Variants in SGCZ observed in about 807,000 individuals in gnomAD.
SGCZ encodes zeta-sarcoglycan.
A neutral mutation model predicts 41.3 loss-of-function variants in SGCZ; 40 were observed. The observed-to-expected ratio is 0.97, with a 90% confidence interval of 0.75 to 1.26. The LOEUF (loss-of-function observed/expected upper bound fraction) is 1.26. Among genes scored for constraint, SGCZ ranks in the 50% most tolerant of loss-of-function variants. The pLI is 0.00. For missense variants in SGCZ, 552 were observed against 369.8 expected, an observed-to-expected ratio of 1.49 and a Z score of -4.04; for synonymous variants, 206 against 137.5, an observed-to-expected ratio of 1.50 and a Z score of -3.49.
intron 2 of SGCZ, among the ~76,000 whole-genome samples, chr8:14,334,953 A>T (rs111903638): frequency 3.7e-4 from 56 of 152,216 alleles, no homozygotes; most frequent in African/African-American, 1.3e-3. Context: ...GGTGTAGGTA[A>T]GATTAAACTG....
chr8:14,264,434 A>C (rs148757864), intron 3 of SGCZ, among the ~76,000 whole-genome samples: 1 of 152,118 alleles, frequency 6.6e-6, no homozygotes, highest in Non-Finnish European at 1.5e-5. Flanking sequence ...ACAGAAATCC[A>C]TGGACCCACA....
intron 1 of SGCZ, among the ~76,000 whole-genome samples, chr8:14,975,133 C>T (rs1358905648): frequency 2.0e-5 from 3 of 151,968 alleles, no homozygotes; most frequent in African/African-American, 4.8e-5. Context: ...GGTGAAACCG[C>T]GTCTCTACTA....
chr8:15,175,752 A>G (rs532191341), intron 1 of SGCZ, among the ~76,000 whole-genome samples: 1 of 152,330 alleles, frequency 6.6e-6, no homozygotes, highest in South Asian at 2.1e-4. Context: ...TTTAGATGCA[A>G]CTTCAAGATA....
At chr8:14,824,717 C>T (rs1215355385) in intron 1 of SGCZ, among the ~76,000 whole-genome samples, 4 of 152,002 alleles carry the variant, frequency 2.6e-5, no homozygotes, top group Non-Finnish European at 4.4e-5. Flanking sequence ...AATTTCACTG[C>T]CTATGCTACC....
intron 1 of SGCZ, among the ~76,000 whole-genome samples, chr8:15,098,900 A>T (rs1806491836): frequency 6.6e-6 from 1 of 152,162 alleles, no homozygotes; most frequent in Admixed American, 6.6e-5. Flanking sequence ...CTCTACTTAA[A>T]TACAAAAATT....
chr8:14,429,360 G>A (rs1045469369), intron 2 of SGCZ, among the ~76,000 whole-genome samples: 2 of 152,114 alleles, frequency 1.3e-5, no homozygotes, highest in Non-Finnish European at 2.9e-5. Flanking sequence ...TGGGCTATCA[G>A]CAGAATGTTC....
intron 1 of SGCZ, among the ~76,000 whole-genome samples, chr8:14,710,850 T>G (rs1809493147): frequency 6.6e-6 from 1 of 152,184 alleles, no homozygotes; most frequent in African/African-American, 2.4e-5. Flanking sequence ...ATGCGGAATT[T>G]TCATTAATTC....
chr8:14,168,476 T>C lies in SGCZ; in HGVS notation c.425-3774A>G, dbSNP rs555577553. ...GGGGCAGGTCTTTCCTGTGCTGTTC[T>C]CATGAGTGTGAATAAGTCTCATGAG... is the stretch of plus-strand genomic sequence containing the variant. On this transcript the variant is annotated intron_variant, in intron 4 of 7. Transcript: ENST00000382080. Among the ~76,000 whole-genome samples the C allele has an allele frequency of 3.3e-5, 5 of 152,230 alleles. No homozygotes were observed. The East Asian group carries it at 7.7e-4, about 24-fold the overall frequency.
chr8:14,242,427 A>G (rs912481596), intron 3 of SGCZ, among the ~76,000 whole-genome samples: 34 of 152,306 alleles, frequency 2.2e-4, no homozygotes, highest in African/African-American at 8.2e-4. Context: ...GGGGACCCTG[A>G]CCATTTGAGT....
intron 2 of SGCZ, among the ~76,000 whole-genome samples, chr8:14,418,246 T>G (rs557453081): frequency 6.6e-6 from 1 of 152,108 alleles, no homozygotes; most frequent in South Asian, 2.1e-4. Flanking sequence ...TGACTTGGGC[T>G]ATTAGAAGTT....
rs144175016 is a variant in SGCZ, at chr8:14,153,506, T to C, written c.547+11074A>G. Among the ~76,000 whole-genome samples, 18 of 152,214 alleles carry C rather than the reference T, an allele frequency of 1.2e-4. No homozygotes were observed. The East Asian group carries it at 3.3e-3, about 28-fold the overall frequency. On this transcript the variant is annotated intron_variant, in intron 5 of 7. Coordinates refer to ENST00000382080, the MANE Select transcript of SGCZ (RefSeq NM_139167.4). ...TACATCCCATAGAGTAAAGTGACCA[T>C]AGGTTTCATACTGTCACTGAGAAGA...
intron 4 of SGCZ, among the ~76,000 whole-genome samples, chr8:14,214,649 A>G (rs140171386): frequency 2.6e-5 from 4 of 152,152 alleles, no homozygotes; most frequent in Admixed American, 2.6e-4. Flanking sequence ...CAAACATAAC[A>G]ATATAGGTAT....
At chr8:14,496,633 A>C (rs779275259) in intron 2 of SGCZ, among the ~76,000 whole-genome samples, 1 of 152,134 alleles carries the variant, frequency 6.6e-6, no homozygotes, top group African/African-American at 2.4e-5. Flanking sequence ...TAGAAAATTA[A>C]TCACATTCTT....
chr8:14,545,413 A>C (rs56117440), intron 2 of SGCZ, among the ~76,000 whole-genome samples: 1,394 of 68,434 alleles, frequency 0.02, 10 homozygotes, highest in Middle Eastern at 0.065. Context: ...GCAAATGCTT[A>C]CTTTTTTTTT....
intron 1 of SGCZ, among the ~76,000 whole-genome samples, chr8:14,639,415 T>C (rs1806945019): frequency 6.6e-6 from 1 of 151,678 alleles, no homozygotes; most frequent in Admixed American, 6.6e-5. Context: ...CCATATTCTT[T>C]AACAAGAGGG....
At chr8:14,374,994 A>T (rs1021910015) in intron 2 of SGCZ, among the ~76,000 whole-genome samples, 1 of 152,136 alleles carries the variant, frequency 6.6e-6, no homozygotes, top group Non-Finnish European at 1.5e-5. Context: ...TGGCAATGGG[A>T]CAAGTTCTAG....
rs192764976 is a variant in SGCZ, at chr8:15,205,026, C to T, written c.39+32559G>A. 9.1e-4 allele frequency among the ~76,000 whole-genome samples: 138 copies of T among 152,182 alleles called. 1 individual carries two copies. The highest frequency in any genetic ancestry group is 1.7e-3 in the Non-Finnish European group (113 of 68,018). ...AGTAAAGTTTAAAATAGAATTTTTT[C>T]ATGAAAATTCAATTCTAAAAAAAGT... On this transcript the variant is annotated intron_variant, in intron 1 of 7. Coordinates refer to ENST00000382080, the MANE Select transcript of SGCZ (RefSeq NM_139167.4).
At chr8:14,784,146 G>T (rs1029529605) in intron 1 of SGCZ, among the ~76,000 whole-genome samples, 2 of 151,612 alleles carry the variant, frequency 1.3e-5, no homozygotes, top group South Asian at 2.1e-4. Flanking sequence ...GACCTCGCAG[G>T]CTCAATATAT....
At chr8:14,594,903 A>G (rs555885159) in intron 1 of SGCZ, among the ~76,000 whole-genome samples, 1 of 152,068 alleles carries the variant, frequency 6.6e-6, no homozygotes, top group Non-Finnish European at 1.5e-5. Flanking sequence ...ACACTGTTAT[A>G]TTGCTGTAAG....
Sources: gnomAD v4.1 joint callset for allele counts (sites outside exome capture counted in the v4.1 genomes callset) on GRCh38, gnomAD v4.1.1 for gene constraint, MANE v1.5 for transcripts, NCBI Gene and HGNC (gene_info 2026-07-23, HGNC 2026-07-21) for gene names.